CLIP4: variants seen among roughly 807,000 people sequenced by gnomAD.
The protein encoded by CLIP4 is CAP-Gly domain-containing linker protein 4.
Under a neutral mutation model 73.1 loss-of-function variants are expected in CLIP4, and 47 were observed. That is an observed-to-expected ratio of 0.64 (90% CI 0.51 to 0.82). The LOEUF is 0.82. CLIP4 is among the 40% of genes least tolerant of loss of function. The pLI is 0.00. For synonymous variants in CLIP4, 306 were observed against 295.4 expected, an observed-to-expected ratio of 1.04 and a Z score of -0.37; for missense variants, 874 against 852.9, an observed-to-expected ratio of 1.02 and a Z score of -0.31.
chr2:29,177,328 G>C (rs1376178837), intron 15 of CLIP4, among the ~76,000 whole-genome samples: 3 of 151,004 alleles, frequency 2.0e-5, no homozygotes, highest in African/African-American at 7.3e-5. Flanking sequence ...GGAATCACTT[G>C]AACCTGGGAG....
At chr2:29,149,422 T>TC (rs1411421510) in intron 8 of CLIP4, among the ~76,000 whole-genome samples, 1 of 151,512 alleles carries the variant, frequency 6.6e-6, no homozygotes, top group Non-Finnish European at 1.5e-5. Flanking sequence ...TTTTTTTTTT[T>TC]TTCTTTAGAG....
chr2:29,165,548 C>G (rs915385467), intron 13 of CLIP4, among the ~76,000 whole-genome samples: 1 of 152,180 alleles, frequency 6.6e-6, no homozygotes, highest in Non-Finnish European at 1.5e-5. Flanking sequence ...CAGGGACCTT[C>G]GTCAGGACAT....
chr2:29,128,613 T>C (rs1391030702), intron 2 of CLIP4, among the ~76,000 whole-genome samples: 1 of 152,138 alleles, frequency 6.6e-6, no homozygotes, highest in East Asian at 1.9e-4. Context: ...AGCAGGCCCA[T>C]ACTCCAAGAA....
chr2:29,101,176 G>A (rs2148430151), intron 1 of CLIP4, among the ~76,000 whole-genome samples: 1 of 151,976 alleles, frequency 6.6e-6, no homozygotes, highest in East Asian at 1.9e-4. Flanking sequence ...TGTAATCCCA[G>A]CTACCTGGGA....
chr2:29,109,288 A>G (rs925802435), intron 1 of CLIP4, among the ~76,000 whole-genome samples: 3 of 152,286 alleles, frequency 2.0e-5, no homozygotes, highest in Non-Finnish European at 2.9e-5. Context: ...CTTTTGTGCC[A>G]CAGTGGCAAT....
chr2:29,176,012 T>G (rs565524345), intron 15 of CLIP4, among the ~76,000 whole-genome samples: 1 of 152,160 alleles, frequency 6.6e-6, no homozygotes, highest in Admixed American at 6.5e-5. Context: ...CTGCCCACCT[T>G]GGCCTCCCAA....
chr2:29,169,496 A>T (rs1243831922), intron 14 of CLIP4, among the ~76,000 whole-genome samples: 1 of 152,174 alleles, frequency 6.6e-6, no homozygotes, highest in Non-Finnish European at 1.5e-5. Context: ...CTCCAAATAT[A>T]GTCACATTCT....
At chr2:29,125,038 G>T (rs1664506082) in intron 2 of CLIP4, among the ~76,000 whole-genome samples, 1 of 152,110 alleles carries the variant, frequency 6.6e-6, no homozygotes, top group Admixed American at 6.5e-5. Context: ...TTTGTTCTGG[G>T]ATACAGTTTA....
rs1474832609 is a variant in CLIP4 at position 29,133,812 on chromosome 2, A to G, written c.525A>G (p.Pro175=). 1 of 1,601,894 alleles carries G rather than the reference A, an allele frequency of 6.2e-7. No homozygotes were observed. Among genetic ancestry groups the G allele is most frequent in the Non-Finnish European group, 8.5e-7 (1 of 1,175,474 alleles). ...LIRVILKTSK[P]KDVDATCSDF... is the part of the protein sequence containing the mutation. ...GAGTGATTTTGAAAACATCGAAACC[A>G]AAAGGCAAGTATTATAAGATCACCT... Residue 175 remains proline (P), a synonymous_variant, in exon 5 of 16, where the codon CCA becomes CCG. Coordinates refer to ENST00000320081, the MANE Select transcript of CLIP4 (RefSeq NM_024692.6).
chr2:29,151,062 T>TTCTCC (rs1666532188), intron 8 of CLIP4, among the ~76,000 whole-genome samples: 1 of 152,182 alleles, frequency 6.6e-6, no homozygotes, highest in Admixed American at 6.5e-5. Context: ...ATGAATAATA[T>TTCTCC]TACAGTGATG....
intron 13 of CLIP4, among the ~76,000 whole-genome samples, chr2:29,166,076 TTAAG>T (rs1185212421): frequency 6.6e-6 from 1 of 152,108 alleles, no homozygotes; most frequent in Admixed American, 6.6e-5. Flanking sequence ...TCAAATACTA[TTAAG>T]TGTCTTTTAG....
chr2:29,100,715 C>T lies in CLIP4; in HGVS notation c.-16+2768C>T, dbSNP rs547387078. ...GAATGGGATAAGTGCAGGTAGATTA[C>T]AGGCAAAGTCCAAGCAGAAGGAAAG... On this transcript the variant is annotated intron_variant, in intron 1 of 14. Coordinates refer to the CLIP4 transcript ENST00000401605. Among the ~76,000 whole-genome samples, 9 of 151,638 alleles carry T rather than the reference C, an allele frequency of 5.9e-5. No homozygotes were observed. In the East Asian group the frequency reaches 1.8e-3, roughly 30 times the overall value.
In CLIP4 at chr2:29,132,157, TAA is replaced by T; in HGVS notation, c.280_281del (p.Lys94GlufsTer7). On this transcript the variant is annotated frameshift_variant, in exon 4 of 16. Transcript: ENST00000320081. LOFTEE classifies it high-confidence loss of function. ...ATTTTCCTTGACTGCTTCAGATTCT[TAA>T]GAGAGGTTGCAATGTGAATGATAGA... ...NIDIIGNEIL[K>X]RGCNVNDRDG... The T allele has an allele frequency of 1.2e-6, 2 of 1,613,080 alleles. No homozygotes were observed. Among genetic ancestry groups the T allele is most frequent in the Non-Finnish European group, 1.7e-6 (2 of 1,179,198 alleles).
chr2:29,167,572 A>G (rs969091858), intron 14 of CLIP4, 32 bp downstream of exon 14: 1 of 1,517,292 alleles, frequency 6.6e-7, no homozygotes, highest in African/African-American at 1.4e-5. Context: ...TTCCTAATCA[A>G]TATTTCTTTG....
intron 14 of CLIP4, among the ~76,000 whole-genome samples, chr2:29,172,004 CCT>C (rs1333253952): frequency 1.6e-3 from 227 of 139,386 alleles, no homozygotes; most frequent in Non-Finnish European, 3.0e-3. Context: ...ATATTCCCAC[CCT>C]CTGTTTTTTT....
At chr2:29,159,741 T>G (rs989525287) in intron 11 of CLIP4, among the ~76,000 whole-genome samples, 1 of 149,180 alleles carries the variant, frequency 6.7e-6, no homozygotes, top group South Asian at 2.1e-4. Flanking sequence ...TAATTTACAC[T>G]GAGTCTAAGT....
At chr2:29,157,067 T>G (rs544680768) in intron 10 of CLIP4, 137 bp from the exon 11 acceptor site, 1 of 694,252 alleles carries the variant, frequency 1.4e-6, no homozygotes, top group Admixed American at 2.5e-5. Context: ...TGGATGAAAT[T>G]AGGCATTTAA....
chr2:29,180,758 G>T (rs3100221), intron 15 of CLIP4, among the ~76,000 whole-genome samples: 82,307 of 151,662 alleles, frequency 0.54, 23,525 homozygotes, highest in African/African-American at 0.67. Context: ...TTCTTTTTGC[G>T]TTATTTGATA....
upstream of CLIP4, among the ~76,000 whole-genome samples, chr2:29,110,543 G>T (rs1390808554): frequency 6.6e-6 from 1 of 152,154 alleles, no homozygotes; most frequent in South Asian, 2.1e-4. Context: ...AAGGTTATGG[G>T]GAAGGGTTCC....
Sources: allele counts gnomAD v4.1 joint callset (sites outside exome capture counted in the v4.1 genomes callset), GRCh38; gene constraint gnomAD v4.1.1; transcripts MANE v1.5; gene names NCBI Gene and HGNC (gene_info 2026-07-23, HGNC 2026-07-21).